The following NTRK2 variants were observed in gnomAD, a reference collection of about 807,000 sequenced individuals.
NTRK2 encodes BDNF/NT-3 growth factors receptor.
Under a neutral mutation model 94.5 loss-of-function variants are expected in NTRK2, and 13 were observed. The ratio of observed to expected loss-of-function variants is 0.14; its 90% CI spans 0.09 to 0.22. The LOEUF (loss-of-function observed/expected upper bound fraction) is 0.22, where lower values mean the gene tolerates loss of function less well. Among genes scored for constraint, NTRK2 ranks in the 10% least tolerant of loss-of-function variants. The pLI, the probability that NTRK2 is intolerant of heterozygous loss-of-function variation, is 1.00. For synonymous variants in NTRK2, 372 were observed against 407.4 expected (o/e 0.91, Z 1.05); for missense variants, 639 against 1,071.2 (o/e 0.60, Z 5.63).
chr9:84,767,494 C>T (rs1437009988), intron 12 of NTRK2, among the ~76,000 whole-genome samples: 2 of 152,124 alleles, frequency 1.3e-5, no homozygotes, highest in Admixed American at 6.6e-5. Context: ...AGTACTTTGC[C>T]GTCTTTGTCT....
At chr9:84,936,926 T>G (rs1383679629) in intron 15 of NTRK2, among the ~76,000 whole-genome samples, 2 of 152,072 alleles carry the variant, frequency 1.3e-5, no homozygotes, top group Non-Finnish European at 2.9e-5. Flanking sequence ...TCAGAGAGGA[T>G]GTTTATTTCA....
At chr9:84,704,463 T>C (rs1006123891) in intron 4 of NTRK2, among the ~76,000 whole-genome samples, 2 of 152,028 alleles carry the variant, frequency 1.3e-5, no homozygotes, top group Admixed American at 1.3e-4. Context: ...CCTGACCTTG[T>C]GATCTGCCCA....
chr9:84,946,254 CT>C (rs1440252457), intron 15 of NTRK2, among the ~76,000 whole-genome samples: 1 of 152,252 alleles, frequency 6.6e-6, no homozygotes, highest in Admixed American at 6.5e-5. Context: ...TCACGTGCCA[CT>C]TCTGCCAGGA....
intron 12 of NTRK2, among the ~76,000 whole-genome samples, chr9:84,784,490 T>C (rs906902703): frequency 1.3e-5 from 2 of 152,200 alleles, no homozygotes; most frequent in African/African-American, 4.8e-5. Context: ...AATTAGATTA[T>C]GCATGTTACA....
At chr9:84,957,030 A>G (rs1483147703) in intron 17 of NTRK2, among the ~76,000 whole-genome samples, 1 of 152,178 alleles carries the variant, frequency 6.6e-6, no homozygotes, top group Non-Finnish European at 1.5e-5. Context: ...CAAGATATTT[A>G]AAACGTGGGG....
In NTRK2 at chr9:84,670,640, C is replaced by T. The variant is rs938603930; in HGVS notation, c.-109C>T. ...GACTCGGCACGCCCGCAACAAGCAC[C>T]GAGGAGTTAAGAGAGCCGCAAGCGC... On this transcript the variant is annotated 5_prime_UTR_variant, in exon 2 of 19. Transcript: ENST00000277120. 10 of 1,072,178 alleles carry T rather than the reference C, an allele frequency of 9.3e-6. No homozygotes were observed. Among genetic ancestry groups the T allele is most frequent in the Non-Finnish European group, 1.4e-5 (10 of 704,532 alleles). The allele number at this position is 1,072,178 out of a possible 1,614,324, so 66.4% of individuals were successfully genotyped here.
intron 15 of NTRK2, among the ~76,000 whole-genome samples, chr9:84,939,768 A>G (rs1933861404): frequency 6.6e-6 from 1 of 152,162 alleles, no homozygotes; most frequent in South Asian, 2.1e-4. Context: ...ATGCTACTAG[A>G]AAACCTACCT....
intron 17 of NTRK2, among the ~76,000 whole-genome samples, chr9:84,999,831 A>G (rs536613414): frequency 6.6e-6 from 1 of 152,178 alleles, no homozygotes; most frequent in Non-Finnish European, 1.5e-5. Context: ...TCCCCATGCC[A>G]GCTTCCACCC....
chr9:84,778,573 C>G (rs1283595330), intron 12 of NTRK2, among the ~76,000 whole-genome samples: 1 of 152,186 alleles, frequency 6.6e-6, no homozygotes, highest in Non-Finnish European at 1.5e-5. Context: ...GGCTTTGTGC[C>G]TCTTCAAGAG....
intron 12 of NTRK2, among the ~76,000 whole-genome samples, chr9:84,848,398 A>G (rs193114937): frequency 1.3e-5 from 2 of 152,194 alleles, no homozygotes; most frequent in Admixed American, 6.5e-5. Context: ...CTGAGAATAA[A>G]TGTACCCAGG....
intron 6 of NTRK2, among the ~76,000 whole-genome samples, chr9:84,717,497 G>A (rs539711454): frequency 5.9e-5 from 9 of 152,328 alleles, no homozygotes; most frequent in Non-Finnish European, 1.3e-4. Flanking sequence ...AGCAAAGGAG[G>A]CAGCCAGAAT....
chr9:84,961,480 A>G (rs764098436), intron 17 of NTRK2, among the ~76,000 whole-genome samples: 4 of 152,210 alleles, frequency 2.6e-5, no homozygotes, highest in Non-Finnish European at 5.9e-5. Flanking sequence ...AGTTCAGACT[A>G]TTTCTGTATT....
At chr9:84,934,402 C>A in intron 15 of NTRK2, 110 bp downstream of exon 15, 1 of 1,138,718 alleles carries the variant, frequency 8.8e-7, no homozygotes, top group Non-Finnish European at 1.3e-6. Context: ...ATTGTTCCTG[C>A]TATGATGGAT....
chr9:84,871,812 G>T (rs745805536), intron 14 of NTRK2: 4 of 1,613,682 alleles, frequency 2.5e-6, no homozygotes, highest in Non-Finnish European at 3.4e-6. Flanking sequence ...CCCCAAGACC[G>T]CCTGATAATA....
At chr9:84,772,599 G>GA (rs771071721) in intron 12 of NTRK2, among the ~76,000 whole-genome samples, 2 of 152,168 alleles carry the variant, frequency 1.3e-5, no homozygotes, top group Non-Finnish European at 2.9e-5. Context: ...TGTACCTCTA[G>GA]AAGTTTGTAG....
chr9:84,737,308 A>G (rs189819605), intron 9 of NTRK2, among the ~76,000 whole-genome samples: 2 of 152,334 alleles, frequency 1.3e-5, no homozygotes, highest in Admixed American at 1.3e-4. Context: ...CTTTAACTAT[A>G]GAGTCTTAAC....
intron 17 of NTRK2, among the ~76,000 whole-genome samples, chr9:84,982,822 A>G (rs1169381193): frequency 6.6e-6 from 1 of 152,244 alleles, no homozygotes; most frequent in Non-Finnish European, 1.5e-5. Flanking sequence ...AAGATATGAT[A>G]TATCCCAAGA....
intron 17 of NTRK2, among the ~76,000 whole-genome samples, chr9:84,987,025 T>C (rs1320114953): frequency 1.3e-5 from 2 of 151,806 alleles, no homozygotes; most frequent in East Asian, 3.9e-4. Flanking sequence ...TGAGGGAGGG[T>C]AGAAAATCAC....
intron 12 of NTRK2, among the ~76,000 whole-genome samples, chr9:84,786,483 CTTG>C (rs931463911): frequency 2.0e-5 from 3 of 152,012 alleles, no homozygotes; most frequent in Non-Finnish European, 4.4e-5. Flanking sequence ...TCTCTTTGTT[CTTG>C]TTGTTATTTT....
Sources: allele counts gnomAD v4.1 joint callset (sites outside exome capture counted in the v4.1 genomes callset), GRCh38; gene constraint gnomAD v4.1.1; transcripts MANE v1.5; gene names NCBI Gene and HGNC (gene_info 2026-07-23, HGNC 2026-07-21).